The following SRRM3 variants were observed in gnomAD, a reference collection of about 807,000 sequenced individuals.
SRRM3 encodes serine/arginine repetitive matrix 3.
SRRM3 carries 27 observed loss-of-function variants against 66.2 expected under a neutral mutation model. The observed-to-expected ratio is 0.41, with a 90% CI of 0.30 to 0.56. The LOEUF (loss-of-function observed/expected upper bound fraction) is 0.56. SRRM3 is among the 20% of genes least tolerant of loss of function. The probability of loss-of-function intolerance (pLI) is 0.32; values close to 1 mark genes in which losing one functional copy is unlikely to be tolerated. For missense variants in SRRM3, 918 were observed against 991.9 expected (o/e 0.93, Z 1.00); for synonymous variants, 391 against 414.9 (o/e 0.94, Z 0.70).
At chr7:76,204,810 C>T (rs1325062284) in intron 1 of SRRM3, among the ~76,000 whole-genome samples, 1 of 152,168 alleles carries the variant, frequency 6.6e-6, no homozygotes, top group Non-Finnish European at 1.5e-5. Flanking sequence ...CAGTGGCTCA[C>T]ACTTGTAATC....
rs375281734 is a variant in SRRM3, at chr7:76,210,976, T to G, written c.-40+8909T>G. Reference sequence around the variant, plus strand: ...TGCCACTACACCCGGCTAATTTTTTTTGTGTGTGTGTATTTTTAGTAGAGA... The same window carrying G: ...TGCCACTACACCCGGCTAATTTTTTGTGTGTGTGTGTATTTTTAGTAGAGA... On this transcript the variant is annotated intron_variant, in intron 1 of 14. Coordinates refer to ENST00000611745, the MANE Select transcript of SRRM3 (RefSeq NM_001110199.3). Among the ~76,000 whole-genome samples, 251 of 152,122 alleles carry G rather than the reference T, an allele frequency of 1.6e-3. 1 individual carries two copies. Among genetic ancestry groups the G allele is most frequent in the South Asian group, 3.5e-3 (17 of 4,816 alleles).
At chr7:76,225,529 G>GC (rs1302494413) in intron 1 of SRRM3, among the ~76,000 whole-genome samples, 2 of 150,866 alleles carry the variant, frequency 1.3e-5, no homozygotes, top group Non-Finnish European at 3.0e-5. Flanking sequence ...AGCAAATGGG[G>GC]CCCCCTGAAC....
intron 11 of SRRM3, among the ~76,000 whole-genome samples, chr7:76,279,769 G>A (rs1554611586): frequency 6.6e-6 from 1 of 152,088 alleles, no homozygotes; most frequent in African/African-American, 2.4e-5. Context: ...CCTTTTGATG[G>A]TGCCAGATGC....
intron 8 of SRRM3, among the ~76,000 whole-genome samples, chr7:76,261,923 C>A (rs528237383): frequency 1.3e-5 from 2 of 151,416 alleles, no homozygotes; most frequent in African/African-American, 4.9e-5. Context: ...AAACAGCTCG[C>A]GAGGCAGGAG....
At chr7:76,235,654 T>C (rs1411175176) in intron 2 of SRRM3, among the ~76,000 whole-genome samples, 5 of 151,472 alleles carry the variant, frequency 3.3e-5, no homozygotes, top group Non-Finnish European at 7.4e-5. Context: ...TTATTTGAGG[T>C]CAGGAATTCG....
chr7:76,277,661 G>A (rs1554611309), intron 11 of SRRM3, among the ~76,000 whole-genome samples: 1 of 147,014 alleles, frequency 6.8e-6, no homozygotes, highest in Non-Finnish European at 1.5e-5. Flanking sequence ...TCGTGCCATT[G>A]CACTCCAGCC....
In SRRM3 at chr7:76,248,168, C is replaced by A. The variant is rs782281825; in HGVS notation, c.234-20C>A. The A allele has an allele frequency of 8.1e-6, 13 of 1,602,660 alleles. No homozygotes were observed. The South Asian group carries it at 1.5e-4, about 18-fold the overall frequency. On this transcript the variant is annotated intron_variant, in intron 2 of 14. Transcript: ENST00000611745. ...CAAATCTGGGAGACCAGCCCCTTCA[C>A]CCTCTCTGTGCCCCTGCAGGTATTC... is the stretch of plus-strand genomic sequence containing the variant.
rs1801809952 is a variant in SRRM3, at chr7:76,259,916, A to T, written c.346A>T (p.Thr116Ser). 6.2e-7 allele frequency: 1 copy of T among 1,600,862 alleles called. No homozygotes were observed. The highest frequency in any genetic ancestry group is 8.5e-7 in the Non-Finnish European group (1 of 1,179,434). ...DRPGGHIVAE[T>S]PRLTEGAEPG... ...CCCTGTCGCCGGCAGTGTGGCGGAG[A>T]CCCCGCGGCTGACCGAGGGCGCTGA... Residue 116 changes from threonine to serine, a missense_variant, in exon 4 of 15, where the codon ACC (threonine) becomes TCC (serine). By Grantham distance (58) the Thr-to-Ser change is moderately conservative. Coordinates refer to ENST00000611745, the MANE Select transcript of SRRM3 (RefSeq NM_001110199.3).
At chr7:76,266,535 A>ATG (rs1802056008) in intron 10 of SRRM3, among the ~76,000 whole-genome samples, 1 of 111,888 alleles carries the variant, frequency 8.9e-6, no homozygotes, top group Non-Finnish European at 1.7e-5. Context: ...TATATTTAAT[A>ATG]TATAAATATT....
chr7:76,226,617 T>G (rs1800871238), intron 1 of SRRM3, among the ~76,000 whole-genome samples: 1 of 151,894 alleles, frequency 6.6e-6, no homozygotes, highest in African/African-American at 2.4e-5. Context: ...TGAGATGGAG[T>G]TTTGCTCTTG....
At chr7:76,238,547 T>C (rs1452696181) in intron 2 of SRRM3, among the ~76,000 whole-genome samples, 3 of 151,920 alleles carry the variant, frequency 2.0e-5, no homozygotes, top group Non-Finnish European at 4.4e-5. Context: ...GCTTGCAGTC[T>C]GCAATCACCG....
At position 76,261,575 on chromosome 7, in the gene SRRM3, G is replaced by T. The variant is rs528273487; in HGVS notation, c.668G>T (p.Arg223Leu). 8 of 1,611,626 alleles carry T rather than the reference G, an allele frequency of 5.0e-6. No individual in the cohort carries two copies. ...GATTCTGGGTCCCGGAGGAAGAGAC[G>T]GCACAGGTGAGCGGCGCTTTGCAGA... The part of the protein sequence containing the change: ...RSDSGSRRKR[R>L]HRSRSSKCKR... Residue 223 changes from arginine to leucine, a missense_variant, in exon 8 of 15, where the codon CGG (arginine) becomes CTG (leucine). Physicochemically the swap from Arg to Leu is moderately radical, Grantham distance 102 (BLOSUM62 -2). Transcript: ENST00000611745.
chr7:76,245,643 G>T (rs1801421949), intron 2 of SRRM3, among the ~76,000 whole-genome samples: 1 of 152,152 alleles, frequency 6.6e-6, no homozygotes, highest in East Asian at 1.9e-4. Flanking sequence ...TAGTCACCCT[G>T]TTGGGCTATC....
intron 2 of SRRM3, among the ~76,000 whole-genome samples, chr7:76,236,651 C>G (rs782601737): frequency 1.3e-5 from 2 of 152,176 alleles, no homozygotes; most frequent in Non-Finnish European, 2.9e-5. Context: ...GGGGCCAAGG[C>G]GGAGCCAGGA....
chr7:76,264,141 C>G (rs1240769370), intron 8 of SRRM3, among the ~76,000 whole-genome samples: 1 of 150,832 alleles, frequency 6.6e-6, no homozygotes, highest in Non-Finnish European at 1.5e-5. Flanking sequence ...GCTGCCACAC[C>G]TGCAAACAGC....
chr7:76,267,345 C>A lies in SRRM3; in HGVS notation c.918C>A (p.Ser306Arg). The A allele has an allele frequency of 6.6e-7, 1 of 1,524,580 alleles. No individual in the cohort carries two copies. Among genetic ancestry groups the A allele is most frequent in the Non-Finnish European group, 8.8e-7 (1 of 1,142,428 alleles). 94.4% of individuals were successfully genotyped at this position (1,524,580 alleles called of 1,614,324 possible). The change falls in exon 11 of 15, where the codon AGC becomes AGA. Residue 306 changes from serine to arginine, a missense_variant. Coordinates refer to ENST00000611745, the MANE Select transcript of SRRM3 (RefSeq NM_001110199.3). ...GSRSPSPSGG[S>R]GWGSPQRNGG... ...GGTCGCCTTCCCCGTCGGGCGGCAG[C>A]GGATGGGGGTCGCCCCAGCGGAACG...
At chr7:76,246,856 T>C (rs1263905979) in intron 2 of SRRM3, among the ~76,000 whole-genome samples, 2 of 152,210 alleles carry the variant, frequency 1.3e-5, no homozygotes, top group Non-Finnish European at 2.9e-5. Flanking sequence ...AGTGCAGCAG[T>C]CCTGTTTTGA....
At chr7:76,238,924 A>G (rs1179979199) in intron 2 of SRRM3, among the ~76,000 whole-genome samples, 1 of 151,164 alleles carries the variant, frequency 6.6e-6, no homozygotes, top group Admixed American at 6.6e-5. Context: ...AGCCTCCCAA[A>G]ATGCTGGGAT....
intron 6 of SRRM3, 120 bp downstream of exon 6, chr7:76,261,023 C>T: frequency 2.8e-6 from 3 of 1,085,780 alleles, no homozygotes; most frequent in Non-Finnish European, 2.6e-6. Flanking sequence ...CTGGACACTG[C>T]CAAGGTGCAA....
Sources: gnomAD v4.1 joint callset for allele counts (sites outside exome capture counted in the v4.1 genomes callset) on GRCh38, gnomAD v4.1.1 for gene constraint, MANE v1.5 for transcripts, NCBI Gene and HGNC (gene_info 2026-07-23, HGNC 2026-07-21) for gene names.